The following GLT1D1 variants were observed in gnomAD, a reference collection of about 807,000 sequenced individuals.
GLT1D1 encodes glycosyltransferase 1 domain-containing protein 1.
Under a neutral mutation model 28.7 loss-of-function variants are expected in GLT1D1, and 21 were observed. The observed-to-expected ratio is 0.73, with a 90% confidence interval of 0.52 to 1.05. The LOEUF (loss-of-function observed/expected upper bound fraction) is 1.05, where lower values mean the gene tolerates loss of function less well. Among genes scored for constraint, GLT1D1 ranks in the 50% least tolerant of loss-of-function variants. The probability of loss-of-function intolerance (pLI) is 0.00; values close to 1 mark genes in which losing one functional copy is unlikely to be tolerated. For missense variants in GLT1D1, 343 were observed against 330.6 expected, an observed-to-expected ratio of 1.04 and a Z score of -0.29; for synonymous variants, 147 against 124.8, an observed-to-expected ratio of 1.18 and a Z score of -1.19.
chr12:128,927,856 T>C (rs1873393538), intron 4 of GLT1D1, among the ~76,000 whole-genome samples: 1 of 150,970 alleles, frequency 6.6e-6, no homozygotes, highest in Admixed American at 6.6e-5. Flanking sequence ...AAAATTTAGC[T>C]GGGCATCGTG....
intron 4 of GLT1D1, among the ~76,000 whole-genome samples, chr12:128,908,688 G>A (rs578124343): frequency 6.6e-4 from 100 of 152,046 alleles, no homozygotes; most frequent in African/African-American, 2.1e-3. Context: ...GGTGGCTCAC[G>A]CCTGTAATCC....
At position 128,926,346 on chromosome 12, in the gene GLT1D1, T is replaced by C; in HGVS notation, c.376-18980T>C. 1.4e-6 allele frequency: 2 copies of C among 1,396,906 alleles called. No homozygotes were observed. The highest frequency in any genetic ancestry group is 2.0e-6 in the Non-Finnish European group (2 of 1,020,802). The allele number at this position is 1,396,906 out of a possible 1,614,324, so 86.5% of individuals were successfully genotyped here. A position where few individuals can be genotyped will look rare whatever the true frequency, so the allele number is the denominator to read the frequency against. On this transcript the variant is annotated intron_variant, in intron 4 of 7. Transcript: ENST00000281703. ...CCTCCCCACTGAAAACATTCTGAAC[T>C]CTTCTCTTACAGAGATTAACCAAAG...
intron 4 of GLT1D1, among the ~76,000 whole-genome samples, chr12:128,932,530 C>A (rs1874035660): frequency 6.6e-6 from 1 of 152,180 alleles, no homozygotes; most frequent in Non-Finnish European, 1.5e-5. Flanking sequence ...TCTAAAGCAC[C>A]TCTTTCACGA....
chr12:128,896,599 G>C (rs1287333705), intron 3 of GLT1D1, among the ~76,000 whole-genome samples: 6 of 26,948 alleles, frequency 2.2e-4, no homozygotes, highest in Admixed American at 2.0e-3. Flanking sequence ...TTTTTTTTTT[G>C]AGACAGAGTC....
In GLT1D1 at chr12:128,902,253, G is replaced by A. The variant is rs546344687; in HGVS notation, c.375+2966G>A. ...AATCCCAGCACTTTGGGAGGCCGAGGTGGGCGGATCACCTGAGGTCAGGAG... is the reference window on the plus strand; with the variant it reads ...AATCCCAGCACTTTGGGAGGCCGAGATGGGCGGATCACCTGAGGTCAGGAG... On this transcript the variant is annotated intron_variant, in intron 4 of 7. Transcript: ENST00000281703. Among the ~76,000 whole-genome samples the A allele has an allele frequency of 9.2e-5, 14 of 151,374 alleles. No homozygotes were observed. In the South Asian group the frequency reaches 2.7e-3, roughly 29 times the overall value.
At chr12:128,976,332 C>T (rs1315446019) in intron 7 of GLT1D1, among the ~76,000 whole-genome samples, 4 of 152,140 alleles carry the variant, frequency 2.6e-5, no homozygotes, top group Admixed American at 2.6e-4. Context: ...ATCAGTATCT[C>T]GGGGACTGAG....
chr12:128,853,554 G>T lies in GLT1D1; in HGVS notation c.-28G>T. 1 of 1,059,512 alleles carries T rather than the reference G, an allele frequency of 9.4e-7. No homozygotes were observed. Among genetic ancestry groups the T allele is most frequent in the Non-Finnish European group, 1.1e-6 (1 of 881,810 alleles). 65.6% of individuals were successfully genotyped at this position (1,059,512 alleles called of 1,614,324 possible). ...GGGCCTGGTCGGCGGCGGCGGGGCC[G>T]GTCGATGGCCCGGGCGGCGGCGGCG... On this transcript the variant is annotated 5_prime_UTR_variant, in exon 1 of 8. Transcript: ENST00000281703.
chr12:128,864,165 G>T, intron 1 of GLT1D1: 1 of 688,006 alleles, frequency 1.5e-6, no homozygotes, highest in Non-Finnish European at 2.6e-6. Context: ...CGAGGTGCCT[G>T]TCAGACGACA....
At chr12:128,968,794 G>T (rs906891137) in intron 7 of GLT1D1, among the ~76,000 whole-genome samples, 6 of 152,130 alleles carry the variant, frequency 3.9e-5, no homozygotes. Flanking sequence ...GAGCTAGAGA[G>T]GGTGGGTCCC....
intron 7 of GLT1D1, among the ~76,000 whole-genome samples, chr12:128,967,367 G>C (rs1050514075): frequency 3.3e-5 from 5 of 152,208 alleles, no homozygotes. Flanking sequence ...ATTCAGGCAG[G>C]GCTGCGCTGA....
intron 1 of GLT1D1, among the ~76,000 whole-genome samples, chr12:128,860,321 C>T (rs1015561252): frequency 7.2e-5 from 11 of 152,120 alleles, no homozygotes; most frequent in Admixed American, 3.3e-4. Flanking sequence ...ATTAGCCAGG[C>T]GTGTTGGCTG....
intron 1 of GLT1D1, among the ~76,000 whole-genome samples, chr12:128,872,455 A>G (rs1956714864): frequency 6.6e-6 from 1 of 152,130 alleles, no homozygotes. Context: ...AGCTGGCACT[A>G]GGAAGTGTCA....
rs141882263 is a variant in GLT1D1, at chr12:128,939,476, C to A, written c.376-5850C>A. 5.4e-3 allele frequency among the ~76,000 whole-genome samples: 825 copies of A among 151,612 alleles called. 12 individuals carry two copies. The highest frequency in any genetic ancestry group is 0.019 in the African/African-American group (786 of 41,286). On this transcript the variant is annotated intron_variant, in intron 4 of 7. Transcript: ENST00000281703. Reference sequence around the variant, plus strand: ...GTGGCTCATGCTTGTAATCCCAGCACTTTGGGAGGCCGAGGCAGGAGGATC... The same window carrying A: ...GTGGCTCATGCTTGTAATCCCAGCAATTTGGGAGGCCGAGGCAGGAGGATC...
chr12:128,920,811 G>A (rs757140148), intron 4 of GLT1D1, among the ~76,000 whole-genome samples: 7 of 152,188 alleles, frequency 4.6e-5, no homozygotes, highest in African/African-American at 1.7e-4. Context: ...GTTAAGTGAC[G>A]AGTTCAAATC....
At chr12:128,958,202 C>T (rs1172437130) in intron 7 of GLT1D1, among the ~76,000 whole-genome samples, 1 of 152,158 alleles carries the variant, frequency 6.6e-6, no homozygotes, top group Non-Finnish European at 1.5e-5. Flanking sequence ...GTGTAGGGGG[C>T]CACAGACAGT....
chr12:128,861,863 G>GA (rs911019691), intron 1 of GLT1D1, among the ~76,000 whole-genome samples: 1 of 150,860 alleles, frequency 6.6e-6, no homozygotes, highest in Non-Finnish European at 1.5e-5. Flanking sequence ...CATTTGGGAA[G>GA]AAAAAAAAAG....
chr12:128,882,515 A>T (rs1329533548), intron 2 of GLT1D1, among the ~76,000 whole-genome samples: 1 of 152,038 alleles, frequency 6.6e-6, no homozygotes, highest in Non-Finnish European at 1.5e-5. Flanking sequence ...ACCTCAGGTG[A>T]CCCACCACCT....
chr12:128,895,076 C>T (rs369885176), intron 3 of GLT1D1, among the ~76,000 whole-genome samples: 3 of 152,112 alleles, frequency 2.0e-5, no homozygotes, highest in African/African-American at 7.2e-5. Flanking sequence ...TACTTTCTGG[C>T]ATCGTAAAAT....
chr12:128,983,172 CCCAGTGCAGTTCAAATAAAA>C lies in GLT1D1; in HGVS notation c.*87_*106del. On this transcript the variant is annotated 3_prime_UTR_variant, in exon 8 of 8. Coordinates refer to ENST00000281703, the MANE Select transcript of GLT1D1 (RefSeq NM_144669.3). This position sits in a 1 kb window ranked among gnomAD's most constrained non-coding sequence, Gnocchi z 4.7. The stretch of plus-strand genomic sequence containing the variant: ...GAGACAGAGTTCTGGATCACGTGGG[CCCAGTGCAGTTCAAATAAAA>C]CCAGCCTCAGCGGAATCCTAGAAAA... 2.3e-6 allele frequency: 3 copies of C among 1,287,650 alleles called. No homozygotes were observed. Among genetic ancestry groups the C allele is most frequent in the Non-Finnish European group, 3.3e-6 (3 of 910,600 alleles). The allele number at this position is 1,287,650 out of a possible 1,614,324, so 79.8% of individuals were successfully genotyped here. A position where few individuals can be genotyped will look rare whatever the true frequency, so the allele number is the denominator to read the frequency against.
Sources: gnomAD v4.1 joint callset for allele counts (sites outside exome capture counted in the v4.1 genomes callset) on GRCh38, gnomAD v4.1.1 for gene constraint, Gnocchi (gnomAD v3.1) non-coding constraint, MANE v1.5 for transcripts, NCBI Gene and HGNC (gene_info 2026-07-23, HGNC 2026-07-21) for gene names.